Variants in KIAA0825 observed in about 807,000 individuals in gnomAD.
KIAA0825 encodes uncharacterized protein KIAA0825.
A neutral mutation model predicts 147.6 loss-of-function variants in KIAA0825; 119 were observed. The ratio of observed to expected loss-of-function variants is 0.81; its 90% CI spans 0.69 to 0.94. The LOEUF (loss-of-function observed/expected upper bound fraction) is 0.94. KIAA0825 is among the 40% of genes least tolerant of loss of function. The pLI is 0.00. For synonymous variants in KIAA0825, 470 were observed against 518.1 expected, an observed-to-expected ratio of 0.91 and a Z score of 1.26; for missense variants, 1,381 against 1,472.7, an observed-to-expected ratio of 0.94 and a Z score of 1.02.
intron 2 of KIAA0825, among the ~76,000 whole-genome samples, chr5:94,542,652 CA>C (rs1773563647): frequency 1.3e-5 from 2 of 151,864 alleles, no homozygotes. Flanking sequence ...ACTAAAAATA[CA>C]AAAATTAGCC....
In KIAA0825 at chr5:94,188,655, A is replaced by G. The variant is rs569247100; in HGVS notation, c.3711-34531T>C. ...TATTTGATAGTAGAGATATATCACC[A>G]TTGTTTATTCGTTCAACAGTTGATG... On this transcript the variant is annotated intron_variant, in intron 20 of 20. Coordinates refer to ENST00000682413, the MANE Select transcript of KIAA0825 (RefSeq NM_001145678.3). Among the ~76,000 whole-genome samples, 11 of 152,154 alleles carry G rather than the reference A, an allele frequency of 7.2e-5. No homozygotes were observed. The South Asian group carries it at 2.3e-3, about 32-fold the overall frequency.
At chr5:94,230,423 T>C (rs1774590400) in intron 20 of KIAA0825, among the ~76,000 whole-genome samples, 1 of 152,202 alleles carries the variant, frequency 6.6e-6, no homozygotes, top group Non-Finnish European at 1.5e-5. Flanking sequence ...CTTCTGAATC[T>C]GGAGTCTTTC....
At chr5:94,289,468 G>C (rs975061962) in intron 20 of KIAA0825, among the ~76,000 whole-genome samples, 25 of 149,824 alleles carry the variant, frequency 1.7e-4, no homozygotes, top group African/African-American at 6.2e-4. Context: ...CCAGGAGACA[G>C]AGGTTGCAGT....
intron 14 of KIAA0825, among the ~76,000 whole-genome samples, chr5:94,438,242 A>T (rs780229437): frequency 3.5e-4 from 54 of 152,230 alleles, no homozygotes; most frequent in Non-Finnish European, 6.3e-4. Flanking sequence ...ATTATCTTCA[A>T]TGCCAAGTCC....
intron 2 of KIAA0825, among the ~76,000 whole-genome samples, chr5:94,547,564 C>T (rs1461974523): frequency 2.0e-5 from 3 of 151,896 alleles, no homozygotes; most frequent in African/African-American, 4.8e-5. Flanking sequence ...GGTGAAACCC[C>T]GTCTCTACTA....
rs748368652 is a variant in KIAA0825 at position 94,524,102 on chromosome 5, T to TA, written c.132-5dup. The TA allele has an allele frequency of 1.9e-6, 3 of 1,586,038 alleles. No homozygotes were observed. Among genetic ancestry groups the TA allele is most frequent in the South Asian group, 1.2e-5 (1 of 86,802 alleles). On this transcript the variant is annotated splice_polypyrimidine_tract_variant and splice_region_variant and intron_variant, in intron 3 of 20. Transcript: ENST00000682413. ...CTCTTTAATGCAATGTTTTATGCTA[T>TA]AAAAAACAGAAGAAAAAGTTATTTT...
At chr5:94,346,095 A>C (rs1192814383) in intron 20 of KIAA0825, among the ~76,000 whole-genome samples, 1 of 152,140 alleles carries the variant, frequency 6.6e-6, no homozygotes, top group African/African-American at 2.4e-5. Flanking sequence ...TGTGGATTTC[A>C]TTTCTGCCTT....
At chr5:94,305,598 A>G (rs1252314066) in intron 20 of KIAA0825, among the ~76,000 whole-genome samples, 3 of 152,002 alleles carry the variant, frequency 2.0e-5, no homozygotes, top group South Asian at 4.1e-4. Flanking sequence ...ACGTATAAAA[A>G]ATAATAAGGT....
Position 94,564,781 on chromosome 5 carries a change from G to A in KIAA0825, c.-2+17652C>T, listed in dbSNP as rs147409339. 2.5e-3 allele frequency among the ~76,000 whole-genome samples: 374 copies of A among 152,192 alleles called. 5 individuals are homozygous for A. The highest frequency in any genetic ancestry group is 0.021 in the Admixed American group (316 of 15,280). On this transcript the variant is annotated intron_variant, in intron 2 of 20. Coordinates refer to ENST00000682413, the MANE Select transcript of KIAA0825 (RefSeq NM_001145678.3). ...ACTGTTCACTATGTATGAGGAAACC[G>A]AATTTAAAATATGTAAGAAGGCAGC...
At chr5:94,540,336 T>C (rs933621028) in intron 2 of KIAA0825, among the ~76,000 whole-genome samples, 4 of 152,212 alleles carry the variant, frequency 2.6e-5, no homozygotes, top group African/African-American at 9.6e-5. Flanking sequence ...AGCCCACTTT[T>C]CAAGATGGCC....
chr5:94,368,192 C>A (rs1746137152), intron 20 of KIAA0825, among the ~76,000 whole-genome samples: 1 of 152,058 alleles, frequency 6.6e-6, no homozygotes, highest in Admixed American at 6.6e-5. Flanking sequence ...AAAAATGTTA[C>A]TTAGTATTAT....
At chr5:94,594,883 A>T (rs989183989) in intron 1 of KIAA0825, 10 of 193,294 alleles carry the variant, frequency 5.2e-5, no homozygotes, top group Middle Eastern at 2.1e-3. Flanking sequence ...ATAGTAGATA[A>T]AAAAAAAAAA....
intron 20 of KIAA0825, among the ~76,000 whole-genome samples, chr5:94,349,472 A>G (rs774104154): frequency 6.6e-6 from 1 of 152,226 alleles, no homozygotes; most frequent in African/African-American, 2.4e-5. Flanking sequence ...CAGCAACCAC[A>G]TAATACACAT....
chr5:94,168,080 A>G (rs1768227039), intron 20 of KIAA0825, among the ~76,000 whole-genome samples: 1 of 150,622 alleles, frequency 6.6e-6, no homozygotes, highest in Non-Finnish European at 1.5e-5. Context: ...AGATATAAAC[A>G]TACATAAATG....
Position 94,396,152 on chromosome 5 carries a change from GGCTTCTGCT to G in KIAA0825, c.3236_3244del (p.Gln1079_Lys1081del). 1 of 1,533,862 alleles carries G rather than the reference GGCTTCTGCT, an allele frequency of 6.5e-7. No homozygotes were observed. The highest frequency in any genetic ancestry group is 2.5e-5 in the East Asian group (1 of 40,702). Reference sequence around the variant, plus strand: ...CAACAATTGACGTTCAATCCAGTTGGGCTTCTGCTGCTCAATGCTCTGTATGACCTTTTG... The same window carrying G: ...CAACAATTGACGTTCAATCCAGTTGGGCTCAATGCTCTGTATGACCTTTTG... On this transcript the variant is annotated inframe_deletion, in exon 17 of 21. Coordinates refer to ENST00000682413, the MANE Select transcript of KIAA0825 (RefSeq NM_001145678.3).
intron 20 of KIAA0825, among the ~76,000 whole-genome samples, chr5:94,347,765 A>AC (rs1180013868): frequency 2.6e-5 from 4 of 152,188 alleles, no homozygotes; most frequent in Non-Finnish European, 5.9e-5. Flanking sequence ...ACACTAGTTC[A>AC]CCAGCAATGG....
At chr5:94,451,014 C>G (rs1199112814) in intron 13 of KIAA0825, among the ~76,000 whole-genome samples, 1 of 152,056 alleles carries the variant, frequency 6.6e-6, no homozygotes, top group Non-Finnish European at 1.5e-5. Context: ...ACTTTGCACT[C>G]CATAAAAGAA....
chr5:94,169,963 C>T (rs188003770), intron 20 of KIAA0825, among the ~76,000 whole-genome samples: 1 of 152,154 alleles, frequency 6.6e-6, no homozygotes, highest in African/African-American at 2.4e-5. Context: ...ACCCAAGCAA[C>T]TGGATCCAGA....
At chr5:94,529,499 C>T (rs1321362217) in intron 3 of KIAA0825, among the ~76,000 whole-genome samples, 1 of 149,896 alleles carries the variant, frequency 6.7e-6, no homozygotes, top group Non-Finnish European at 1.5e-5. Flanking sequence ...GTAAAAAAAT[C>T]TGACCACAGA....
Sources: allele counts gnomAD v4.1 joint callset (sites outside exome capture counted in the v4.1 genomes callset), GRCh38; gene constraint gnomAD v4.1.1; transcripts MANE v1.5; gene names NCBI Gene and HGNC (gene_info 2026-07-23, HGNC 2026-07-21).